ZNF723: variants seen among roughly 807,000 people sequenced by gnomAD.
The protein encoded by ZNF723 is zinc finger protein 723.
Under a neutral mutation model 9.4 loss-of-function variants are expected in ZNF723, and 5 were observed. The observed-to-expected ratio is 0.53, with a 90% CI of 0.28 to 1.12. The LOEUF (loss-of-function observed/expected upper bound fraction) is 1.12. Ranked by LOEUF, ZNF723 falls within the 50% of genes most tolerant of loss-of-function variation. The pLI, the probability that ZNF723 is intolerant of heterozygous loss-of-function variation, is 0.10. For synonymous variants in ZNF723, 158 were observed against 168.8 expected (o/e 0.94, Z 0.49); for missense variants, 450 against 501.5 (o/e 0.90, Z 0.98).
chr19:22,845,889 C>CTCTTTTTTTTTTTTTTTTTTT (rs1967301445), intron 1 of ZNF723, among the ~76,000 whole-genome samples: 1 of 124,392 alleles, frequency 8.0e-6, no homozygotes, highest in African/African-American at 3.1e-5. Flanking sequence ...AAAAATATGC[C>CTCTTTTTTTTTTTTTTTTTTT]TTTTTTTTTT....
Position 22,857,406 on chromosome 19 carries a change from C to T in ZNF723, c.515C>T (p.Ser172Phe). ...AAGATAAGACATACTGGAAATAATT[C>T]TTTCAAATGTAAAGAATGTGGCAAA... is the stretch of plus-strand genomic sequence containing the variant. ...SQKIRHTGNNSFKCKECGKSF... is the reference protein window; with the variant it reads ...SQKIRHTGNNFFKCKECGKSF... Residue 172 changes from serine to phenylalanine, a missense_variant, in exon 4 of 4, where the codon TCT becomes TTT. Transcript: ENST00000600766. The T allele has an allele frequency of 1.1e-6, 1 of 874,408 alleles. No homozygotes were observed. The highest frequency in any genetic ancestry group is 2.5e-5 in the East Asian group (1 of 40,784). 54.2% of individuals were successfully genotyped at this position (874,408 alleles called of 1,614,324 possible).
At chr19:22,832,260 G>A (rs1967106748), upstream of ZNF723, 3 of 1,080,618 alleles carry the variant, frequency 2.8e-6, no homozygotes, top group South Asian at 2.8e-5. Flanking sequence ...CAGCTAGAGC[G>A]GACAGGGCGG....
At chr19:22,821,919 C>A in the ZNF723 span, among the ~76,000 whole-genome samples, 1 of 152,084 alleles carries the variant, frequency 6.6e-6, no homozygotes. Flanking sequence ...GACCAGCCTG[C>A]CCAATATGGT....
At chr19:22,820,818 C>A in the ZNF723 span, among the ~76,000 whole-genome samples, 3 of 152,282 alleles carry the variant, frequency 2.0e-5, no homozygotes, top group East Asian at 5.8e-4. Flanking sequence ...GTCACCCTTA[C>A]ATATGAACAG....
the ZNF723 span, among the ~76,000 whole-genome samples, chr19:22,816,726 G>T: frequency 6.6e-6 from 1 of 152,238 alleles, no homozygotes; most frequent in Non-Finnish European, 1.5e-5. Flanking sequence ...ACCATAGAGA[G>T]AATTTTGACA....
chr19:22,813,419 G>A, the ZNF723 span, among the ~76,000 whole-genome samples: 3 of 152,072 alleles, frequency 2.0e-5, no homozygotes, highest in African/African-American at 4.8e-5. Context: ...TAGGGTTGGA[G>A]GGGGGAGGAT....
rs558918542 is a variant in ZNF723 at position 22,844,535 on chromosome 19, C to T, written c.4-3726C>T. 8.5e-5 allele frequency among the ~76,000 whole-genome samples: 13 copies of T among 152,318 alleles called. No individual in the cohort carries two copies. The South Asian group carries it at 1.2e-3, about 15-fold the overall frequency. On this transcript the variant is annotated intron_variant, in intron 1 of 3. Coordinates refer to ENST00000600766, the MANE Select transcript of ZNF723 (RefSeq NM_001349726.2). ...ATTCGTATTAGTACTCTGCAACATA[C>T]TCTTGAGCACATAGTACCTGCTTAA...
At chr19:22,856,422 T>C (rs1301506868) in intron 3 of ZNF723, among the ~76,000 whole-genome samples, 1 of 152,250 alleles carries the variant, frequency 6.6e-6, no homozygotes, top group Admixed American at 6.5e-5. Flanking sequence ...TATTAAAATC[T>C]ACCTGTTACA....
chr19:22,840,828 T>C (rs894920997), intron 1 of ZNF723: 10 of 152,206 alleles, frequency 6.6e-5, no homozygotes, highest in South Asian at 6.2e-4. Flanking sequence ...CCATTTTAAA[T>C]AGAAGCTGAG....
chr19:22,834,718 C>T (rs189473864), intron 1 of ZNF723, among the ~76,000 whole-genome samples: 1 of 152,226 alleles, frequency 6.6e-6, no homozygotes, highest in Non-Finnish European at 1.5e-5. Flanking sequence ...TTGTCTTCAC[C>T]TAACCCATCT....
upstream of ZNF723, among the ~76,000 whole-genome samples, chr19:22,830,808 G>T (rs1333832638): frequency 6.6e-6 from 1 of 152,082 alleles, no homozygotes; most frequent in Non-Finnish European, 1.5e-5. Flanking sequence ...TGTCGCCTAG[G>T]CTGGAGTGCA....
the ZNF723 span, among the ~76,000 whole-genome samples, chr19:22,819,484 T>C: frequency 6.6e-6 from 1 of 152,210 alleles, no homozygotes; most frequent in Non-Finnish European, 1.5e-5. Flanking sequence ...GTGATATGAC[T>C]ATAGTTTTCT....
intron 1 of ZNF723, among the ~76,000 whole-genome samples, chr19:22,846,813 CTTTTTTTTTTTTTT>C (rs760924027): frequency 2.9e-4 from 20 of 69,132 alleles, no homozygotes; most frequent in African/African-American, 1.1e-3. Context: ...CTATAATTTC[CTTTTTTTTTTTTTT>C]TTTTTTTTTT....
At chr19:22,817,528 G>A in the ZNF723 span, among the ~76,000 whole-genome samples, 12 of 151,968 alleles carry the variant, frequency 7.9e-5, no homozygotes, top group African/African-American at 2.7e-4. Flanking sequence ...CCCACTGGGA[G>A]CACTGTGACA....
chr19:22,839,531 A>G (rs1458612105), intron 1 of ZNF723, among the ~76,000 whole-genome samples: 1 of 143,876 alleles, frequency 7.0e-6, no homozygotes, highest in Non-Finnish European at 1.5e-5. Context: ...CAGTGGCATG[A>G]TCTCAGCTGA....
chr19:22,855,693 G>C (rs545118684), intron 3 of ZNF723, among the ~76,000 whole-genome samples: 36 of 152,192 alleles, frequency 2.4e-4, no homozygotes, highest in Middle Eastern at 3.4e-3. Flanking sequence ...ATTCTCACTT[G>C]ATAGGTATTT....
At chr19:22,829,175 T>C (rs1029057985), upstream of ZNF723, among the ~76,000 whole-genome samples, 55 of 149,800 alleles carry the variant, frequency 3.7e-4, no homozygotes, top group African/African-American at 1.3e-3. Context: ...TTCATCTCAG[T>C]AATAAACAAA....
chr19:22,835,557 A>C (rs931191456), intron 1 of ZNF723, among the ~76,000 whole-genome samples: 8 of 152,058 alleles, frequency 5.3e-5, no homozygotes, highest in African/African-American at 1.7e-4. Context: ...TCCCAGAATG[A>C]GTTTAGGAAA....
the ZNF723 span, among the ~76,000 whole-genome samples, chr19:22,816,698 A>G: frequency 6.6e-6 from 1 of 152,108 alleles, no homozygotes; most frequent in Non-Finnish European, 1.5e-5. Flanking sequence ...GCGAATCTAC[A>G]CTCTTGTCTT....
Sources: gnomAD v4.1 joint callset for allele counts (sites outside exome capture counted in the v4.1 genomes callset) on GRCh38, gnomAD v4.1.1 for gene constraint, MANE v1.5 for transcripts, NCBI Gene and HGNC (gene_info 2026-07-23, HGNC 2026-07-21) for gene names.